The following ANKDD1A variants were observed in gnomAD, a reference collection of about 807,000 sequenced individuals.
ANKDD1A encodes ankyrin repeat and death domain-containing protein 1A.
A neutral mutation model predicts 63.5 loss-of-function variants in ANKDD1A; 59 were observed. That is an observed-to-expected ratio of 0.93 (90% CI 0.75 to 1.15). The LOEUF is 1.15. Ranked by LOEUF, ANKDD1A falls within the 50% of genes most tolerant of loss-of-function variation. The pLI is 0.00. For synonymous variants in ANKDD1A, 266 were observed against 263.9 expected (o/e 1.01, Z -0.08); for missense variants, 632 against 656.4 (o/e 0.96, Z 0.41).
chr15:64,930,434 A>G (rs1363669784), intron 6 of ANKDD1A, among the ~76,000 whole-genome samples: 1 of 152,076 alleles, frequency 6.6e-6, no homozygotes, highest in African/African-American at 2.4e-5. Flanking sequence ...CTACTCAATG[A>G]GAAACTAACG....
rs1014736702 is a variant in ANKDD1A at position 64,957,551 on chromosome 15, G to C, written c.*363G>C. 6.6e-6 allele frequency: 1 copy of C among 152,576 alleles called. No homozygotes were observed. 9.5% of individuals were successfully genotyped at this position (152,576 alleles called of 1,614,324 possible). ...ATGCTTTTCTTCACAGCACTATAAAGTTGGACTTGGAAAATTTGGACAGCC... is the reference window on the plus strand; with the variant it reads ...ATGCTTTTCTTCACAGCACTATAAACTTGGACTTGGAAAATTTGGACAGCC... On this transcript the variant is annotated 3_prime_UTR_variant, in exon 15 of 15. Transcript: ENST00000319580.
chr15:64,953,538 C>CCTTCTTCCTTCTCCTTCTTT (rs797026155), intron 14 of ANKDD1A, among the ~76,000 whole-genome samples: 61,529 of 123,150 alleles, frequency 0.5, 16,420 homozygotes, highest in East Asian at 0.83. Flanking sequence ...CTTCTCCTCT[C>CCTTCTTCCTTCTCCTTCTTT]CTTCTTCCTT....
At chr15:64,931,731 G>A in intron 8 of ANKDD1A, 146 bp downstream of exon 8, 1 of 832,614 alleles carries the variant, frequency 1.2e-6, no homozygotes, top group Non-Finnish European at 1.9e-6. Flanking sequence ...CTTCTCCACT[G>A]CTGAGCCCTG....
intron 3 of ANKDD1A, among the ~76,000 whole-genome samples, chr15:64,919,547 A>G (rs1022602389): frequency 6.6e-5 from 10 of 152,202 alleles, no homozygotes; most frequent in Non-Finnish European, 8.8e-5. Flanking sequence ...CTAGGATTTC[A>G]TGAGGAAGAA....
At chr15:64,941,943 G>A (rs1175068354) in intron 9 of ANKDD1A, among the ~76,000 whole-genome samples, 1 of 152,090 alleles carries the variant, frequency 6.6e-6, no homozygotes, top group African/African-American at 2.4e-5. Context: ...CTGGGGGTGG[G>A]GACGTGGTGG....
intron 4 of ANKDD1A, among the ~76,000 whole-genome samples, chr15:64,924,283 C>T (rs182342301): frequency 6.6e-6 from 1 of 152,368 alleles, no homozygotes; most frequent in East Asian, 1.9e-4. Context: ...AGCAAAAGAG[C>T]CAGAGCAGAA....
At position 64,941,315 on chromosome 15, in the gene ANKDD1A, A is replaced by G. The variant is rs144899369; in HGVS notation, c.868-1152A>G. Reference sequence around the variant, plus strand: ...GTGTCCTAGTCCATTTTGTGTTGCTATAACTGAATACCATAGACTGGGTGA... The same window carrying G: ...GTGTCCTAGTCCATTTTGTGTTGCTGTAACTGAATACCATAGACTGGGTGA... On this transcript the variant is annotated intron_variant, in intron 9 of 14. Coordinates refer to ENST00000319580, the MANE Select transcript of ANKDD1A (RefSeq NM_182703.6). Among the ~76,000 whole-genome samples, 767 of 152,234 alleles carry G rather than the reference A, an allele frequency of 5.0e-3. 9 individuals are homozygous for G. The highest frequency in any genetic ancestry group is 0.018 in the African/African-American group (735 of 41,530).
intron 9 of ANKDD1A, among the ~76,000 whole-genome samples, chr15:64,936,653 G>A (rs1362814885): frequency 2.6e-5 from 4 of 151,928 alleles, no homozygotes; most frequent in Non-Finnish European, 4.4e-5. Flanking sequence ...AGCCTGGGCA[G>A]CATAGTGAGA....
intron 2 of ANKDD1A, 45 bp downstream of exon 2, chr15:64,915,945 A>C: frequency 3.2e-6 from 5 of 1,571,060 alleles, no homozygotes; most frequent in Non-Finnish European, 4.4e-6. Context: ...GGATAGTGTC[A>C]CGATAATGCC....
intron 14 of ANKDD1A, among the ~76,000 whole-genome samples, chr15:64,953,630 C>CTTAGTTCTTCTTAGTTCTT (rs1467278506): frequency 0.01 from 211 of 20,764 alleles, 1 homozygote; most frequent in African/African-American, 0.018. Flanking sequence ...TCTTCTTCTT[C>CTTAGTTCTTCTTAGTTCTT]CTTCTTCTTC....
chr15:64,940,999 T>G (rs1413879157), intron 9 of ANKDD1A, among the ~76,000 whole-genome samples: 1 of 152,234 alleles, frequency 6.6e-6, no homozygotes, highest in Admixed American at 6.5e-5. Context: ...CACCTTAGCC[T>G]CCCAAAGTAC....
rs1286051833 is a variant in ANKDD1A, at chr15:64,953,847, T to C, written c.1484-3256T>C. ...TCTTTTCTTCTTTCCTCTTCTTTTC[T>C]TCTTTCCTCTTCTTCCTCTTTCTTC... On this transcript the variant is annotated intron_variant, in intron 14 of 14. Coordinates refer to ENST00000319580, the MANE Select transcript of ANKDD1A (RefSeq NM_182703.6). 2.2e-3 allele frequency among the ~76,000 whole-genome samples: 27 copies of C among 12,544 alleles called. No individual in the cohort carries two copies. The Admixed American group carries it at 0.029, about 13-fold the overall frequency. 8.2% of individuals were successfully genotyped at this position (12,544 alleles called of 152,430 possible). A position where few individuals can be genotyped will look rare whatever the true frequency, so the allele number is the denominator to read the frequency against.
chr15:64,921,331 GTCTT>G lies in ANKDD1A; in HGVS notation c.268-584_268-581del, dbSNP rs1353377389. ...CTTACAAATTTTTTCTTTTAAAATGGTCTTTCTTTATGAAATGGTGATGAGAGTA... is the reference window on the plus strand; with the variant it reads ...CTTACAAATTTTTTCTTTTAAAATGGTCTTTATGAAATGGTGATGAGAGTA... On this transcript the variant is annotated intron_variant, in intron 3 of 14. Coordinates refer to ENST00000319580, the MANE Select transcript of ANKDD1A (RefSeq NM_182703.6). Among the ~76,000 whole-genome samples the G allele has an allele frequency of 3.9e-5, 6 of 152,176 alleles. No homozygotes were observed. In the South Asian group the frequency reaches 1.2e-3, roughly 32 times the overall value.
chr15:64,951,751 T>C (rs2085285887), intron 14 of ANKDD1A, among the ~76,000 whole-genome samples: 5 of 144,332 alleles, frequency 3.5e-5, no homozygotes, highest in South Asian at 2.1e-4. Flanking sequence ...CTTCCTCTTC[T>C]TCCTTCTTTC....
intron 14 of ANKDD1A, among the ~76,000 whole-genome samples, chr15:64,951,964 CTT>C (rs755964920): frequency 5.0e-5 from 7 of 140,996 alleles, no homozygotes; most frequent in South Asian, 2.3e-4. Context: ...TCCTTCTGCT[CTT>C]CTTTCTTCTT....
intron 6 of ANKDD1A, among the ~76,000 whole-genome samples, chr15:64,928,933 A>G (rs1297167147): frequency 1.3e-5 from 2 of 152,208 alleles, no homozygotes; most frequent in Non-Finnish European, 2.9e-5. Context: ...AGGAAGAAGA[A>G]AGCCCTGCCA....
chr15:64,934,756 A>T (rs1457736345), intron 9 of ANKDD1A, among the ~76,000 whole-genome samples: 1 of 149,110 alleles, frequency 6.7e-6, no homozygotes, highest in East Asian at 2.0e-4. Flanking sequence ...GACTCAAGTG[A>T]TTCGCCAGCC....
chr15:64,929,180 C>G (rs2085069495), intron 6 of ANKDD1A, among the ~76,000 whole-genome samples: 1 of 152,098 alleles, frequency 6.6e-6, no homozygotes, highest in South Asian at 2.1e-4. Context: ...TAGCTGAATT[C>G]AATTTTTTTT....
At chr15:64,932,025 C>A in intron 8 of ANKDD1A, 1 of 200,864 alleles carries the variant, frequency 5.0e-6, no homozygotes. Flanking sequence ...TCCCAAGAGG[C>A]TGGGACTACA....
Sources: gnomAD v4.1 joint callset for allele counts (sites outside exome capture counted in the v4.1 genomes callset) on GRCh38, gnomAD v4.1.1 for gene constraint, MANE v1.5 for transcripts, NCBI Gene and HGNC (gene_info 2026-07-23, HGNC 2026-07-21) for gene names.